PCSK2: variants seen among roughly 807,000 people sequenced by gnomAD.
PCSK2 encodes neuroendocrine convertase 2.
PCSK2 carries 14 observed loss-of-function variants against 69.7 expected under a neutral mutation model. The observed-to-expected ratio is 0.20, with a 90% CI of 0.13 to 0.31. The LOEUF (loss-of-function observed/expected upper bound fraction) is 0.31. Among genes scored for constraint, PCSK2 ranks in the 10% least tolerant of loss-of-function variants. PCSK2 has a pLI of 1.00. For synonymous variants in PCSK2, 307 were observed against 320.7 expected, an observed-to-expected ratio of 0.96 and a Z score of 0.46; for missense variants, 544 against 842.5, an observed-to-expected ratio of 0.65 and a Z score of 4.39.
chr20:17,279,108 T>A (rs1988208104), intron 2 of PCSK2, among the ~76,000 whole-genome samples: 1 of 152,190 alleles, frequency 6.6e-6, no homozygotes, highest in Non-Finnish European at 1.5e-5. Flanking sequence ...GGCTGGATAG[T>A]GTTGGATTCC....
At chr20:17,310,478 C>T (rs1989470315) in intron 2 of PCSK2, among the ~76,000 whole-genome samples, 2 of 152,104 alleles carry the variant, frequency 1.3e-5, no homozygotes, top group African/African-American at 2.4e-5. Context: ...TGGTTGAGAA[C>T]TTGCCTTGTT....
At chr20:17,235,916 A>G (rs1337274001) in intron 1 of PCSK2, among the ~76,000 whole-genome samples, 1 of 152,156 alleles carries the variant, frequency 6.6e-6, no homozygotes, top group Non-Finnish European at 1.5e-5. Context: ...AAATTAAATC[A>G]CGAGATAAGT....
At chr20:17,365,997 G>A (rs747139494) in intron 4 of PCSK2, among the ~76,000 whole-genome samples, 15 of 152,116 alleles carry the variant, frequency 9.9e-5, no homozygotes, top group Non-Finnish European at 1.9e-4. Context: ...GTAGTTCTGG[G>A]GTCTCAGGGC....
chr20:17,284,628 T>C (rs76708043), intron 2 of PCSK2, among the ~76,000 whole-genome samples: 2,038 of 152,334 alleles, frequency 0.013, 42 homozygotes, highest in African/African-American at 0.046. Flanking sequence ...GTTGGCTTTC[T>C]AGACAGAGAA....
chr20:17,471,834 C>A (rs1353374516), intron 11 of PCSK2, among the ~76,000 whole-genome samples: 1 of 152,222 alleles, frequency 6.6e-6, no homozygotes, highest in Non-Finnish European at 1.5e-5. Context: ...CCACGAAGCA[C>A]ACTCGAGGAG....
chr20:17,402,463 C>T lies in PCSK2; in HGVS notation c.544-6800C>T, dbSNP rs374308172. ...GGCAGATCACTTGACGTCTGGAGTT[C>T]GAGACCAGCCTGGCCTGGCCAACAT... On this transcript the variant is annotated intron_variant, in intron 5 of 11. Transcript: ENST00000262545. 4.0e-5 allele frequency among the ~76,000 whole-genome samples: 6 copies of T among 149,314 alleles called. No individual in the cohort carries two copies. The East Asian group carries it at 8.1e-4, about 20-fold the overall frequency.
chr20:17,227,876 T>A (rs1282587816), intron 1 of PCSK2, among the ~76,000 whole-genome samples: 1 of 151,826 alleles, frequency 6.6e-6, no homozygotes, highest in Non-Finnish European at 1.5e-5. Context: ...CCCACCCCCA[T>A]CCCCCGGAGA....
chr20:17,331,346 A>G (rs750910410), intron 2 of PCSK2, among the ~76,000 whole-genome samples: 4 of 152,222 alleles, frequency 2.6e-5, no homozygotes, highest in Non-Finnish European at 5.9e-5. Context: ...CATTTTACCC[A>G]GAAGTTAAAT....
At chr20:17,386,397 G>A (rs1043419088) in intron 5 of PCSK2, among the ~76,000 whole-genome samples, 1 of 152,088 alleles carries the variant, frequency 6.6e-6, no homozygotes, top group Admixed American at 6.5e-5. Context: ...ACATATAATG[G>A]AATATTATTC....
At chr20:17,416,570 G>C (rs965508120) in intron 6 of PCSK2, among the ~76,000 whole-genome samples, 2 of 149,502 alleles carry the variant, frequency 1.3e-5, no homozygotes, top group Non-Finnish European at 3.0e-5. Flanking sequence ...TTGCACTGTT[G>C]GTGGGAGTGT....
intron 6 of PCSK2, among the ~76,000 whole-genome samples, chr20:17,424,396 T>C (rs1018105158): frequency 1.3e-5 from 2 of 152,194 alleles, no homozygotes; most frequent in Non-Finnish European, 2.9e-5. Flanking sequence ...TTTAGTACAC[T>C]TGTTACCTCT....
At chr20:17,365,243 C>A (rs1014832779) in intron 4 of PCSK2, among the ~76,000 whole-genome samples, 1 of 152,106 alleles carries the variant, frequency 6.6e-6, no homozygotes, top group Non-Finnish European at 1.5e-5. Flanking sequence ...CCTCCCCTGG[C>A]AGAAGGGGTA....
chr20:17,432,414 A>G (rs1396067718), intron 7 of PCSK2, among the ~76,000 whole-genome samples: 1 of 152,210 alleles, frequency 6.6e-6, no homozygotes, highest in African/African-American at 2.4e-5. Context: ...AAGCTTTAAT[A>G]ACCCCAGGAA....
intron 1 of PCSK2, among the ~76,000 whole-genome samples, chr20:17,240,364 A>G (rs1359794168): frequency 6.6e-6 from 1 of 152,084 alleles, no homozygotes; most frequent in Non-Finnish European, 1.5e-5. Flanking sequence ...AAGGGTGAGG[A>G]GGCTGGGATG....
intron 6 of PCSK2, among the ~76,000 whole-genome samples, chr20:17,412,769 G>C (rs1054786055): frequency 1.6e-4 from 25 of 152,158 alleles, no homozygotes; most frequent in African/African-American, 6.0e-4. Context: ...AAATGTTAAG[G>C]GTAGCCAGAG....
intron 11 of PCSK2, among the ~76,000 whole-genome samples, chr20:17,470,497 G>A (rs1200548245): frequency 6.6e-6 from 1 of 152,118 alleles, no homozygotes; most frequent in Non-Finnish European, 1.5e-5. Flanking sequence ...CTGCAAGAAA[G>A]GCTTGCTGGT....
At chr20:17,337,093 G>A (rs533110488) in intron 2 of PCSK2, among the ~76,000 whole-genome samples, 93 of 152,054 alleles carry the variant, frequency 6.1e-4, no homozygotes, top group African/African-American at 2.1e-3. Context: ...AAAGCCAGGG[G>A]TTCCCTCAGG....
At chr20:17,310,655 T>C (rs1568597272) in intron 2 of PCSK2, among the ~76,000 whole-genome samples, 1 of 150,118 alleles carries the variant, frequency 6.7e-6, no homozygotes, top group Non-Finnish European at 1.5e-5. Flanking sequence ...CATTTATCTT[T>C]ATGTATCTAG....
intron 2 of PCSK2, among the ~76,000 whole-genome samples, chr20:17,295,262 A>G (rs1358629607): frequency 6.6e-6 from 1 of 151,668 alleles, no homozygotes; most frequent in Non-Finnish European, 1.5e-5. Flanking sequence ...CAAGAGTTTA[A>G]TGCATGCCAG....
Sources: gnomAD v4.1 joint callset for allele counts (sites outside exome capture counted in the v4.1 genomes callset) on GRCh38, gnomAD v4.1.1 for gene constraint, MANE v1.5 for transcripts, NCBI Gene and HGNC (gene_info 2026-07-23, HGNC 2026-07-21) for gene names.